Variants in FAT3 observed in about 807,000 individuals in gnomAD.
FAT3 encodes protocadherin Fat 3.
FAT3 carries 95 observed loss-of-function variants against 310.2 expected under a neutral mutation model. That is an observed-to-expected ratio of 0.31 (90% CI 0.26 to 0.36). The LOEUF is 0.36. FAT3 is among the 10% of genes least tolerant of loss of function. The pLI is 1.00. For synonymous variants in FAT3, 2,314 were observed against 2,192.9 expected (o/e 1.06, Z -1.54); for missense variants, 5,408 against 5,715.6 (o/e 0.95, Z 1.74).
chr11:92,728,233 T>C (rs973965064), intron 4 of FAT3, among the ~76,000 whole-genome samples: 1 of 152,220 alleles, frequency 6.6e-6, no homozygotes, highest in African/African-American at 2.4e-5. Flanking sequence ...GAATTTGTTT[T>C]CTGTTTTTTG....
chr11:92,532,567 A>AAAT (rs953538446), intron 3 of FAT3, among the ~76,000 whole-genome samples: 3 of 152,288 alleles, frequency 2.0e-5, no homozygotes, highest in East Asian at 1.9e-4. Context: ...ATTAGAGAAA[A>AAAT]AATAATAATA....
intron 2 of FAT3, among the ~76,000 whole-genome samples, chr11:92,456,347 A>C (rs1401850946): frequency 6.6e-6 from 1 of 152,180 alleles, no homozygotes; most frequent in Non-Finnish European, 1.5e-5. Context: ...TTAGCACATG[A>C]AATAATAAGT....
chr11:92,341,892 C>T (rs913446264), intron 1 of FAT3, among the ~76,000 whole-genome samples: 3 of 152,166 alleles, frequency 2.0e-5, no homozygotes, highest in Non-Finnish European at 4.4e-5. Flanking sequence ...CATATCCCAA[C>T]CTTCATGAAG....
At chr11:92,412,852 C>T (rs1166348038) in intron 2 of FAT3, among the ~76,000 whole-genome samples, 1 of 150,606 alleles carries the variant, frequency 6.6e-6, no homozygotes, top group Non-Finnish European at 1.5e-5. Flanking sequence ...ATATACCCCC[C>T]TACACACACA....
Position 92,893,945 on chromosome 11 carries a change from G to A in FAT3, c.*2832G>A, listed in dbSNP as rs190285306. On this transcript the variant is annotated 3_prime_UTR_variant, in exon 28 of 28. Transcript: ENST00000525166. ...GGAAACATACCCAGAGTGGGAAAGA[G>A]ACTTGCCCAAGCCCACAGAGGAAGT... 9.5e-4 allele frequency: 145 copies of A among 152,336 alleles called. No individual in the cohort carries two copies. Among genetic ancestry groups the A allele is most frequent in the African/African-American group, 3.3e-3 (139 of 41,582 alleles). The allele number at this position is 152,336 out of a possible 1,614,324, so 9.4% of individuals were successfully genotyped here. A position where few individuals can be genotyped will look rare whatever the true frequency, so the allele number is the denominator to read the frequency against.
intron 4 of FAT3, among the ~76,000 whole-genome samples, chr11:92,757,855 A>G (rs140468885): frequency 2.6e-4 from 39 of 152,312 alleles, no homozygotes; most frequent in African/African-American, 9.1e-4. Context: ...AGGAGACTGG[A>G]TGAATGTCCA....
chr11:92,515,690 G>C (rs571655764), intron 2 of FAT3, among the ~76,000 whole-genome samples: 167 of 152,176 alleles, frequency 1.1e-3, no homozygotes, highest in Non-Finnish European at 2.0e-3. Context: ...GATAAATACA[G>C]TAACTGCCTC....
At chr11:92,782,690 A>G (rs1484904727) in intron 7 of FAT3, among the ~76,000 whole-genome samples, 1 of 152,232 alleles carries the variant, frequency 6.6e-6, no homozygotes, top group Non-Finnish European at 1.5e-5. Flanking sequence ...CACAAAGGCA[A>G]TTAATGAAAT....
intron 2 of FAT3, among the ~76,000 whole-genome samples, chr11:92,412,918 A>G (rs963292638): frequency 6.6e-6 from 1 of 151,414 alleles, no homozygotes; most frequent in Non-Finnish European, 1.5e-5. Context: ...TGGTTATTAG[A>G]ACTGACAAAC....
At chr11:92,763,134 G>A (rs1031057271) in intron 5 of FAT3, among the ~76,000 whole-genome samples, 12 of 151,620 alleles carry the variant, frequency 7.9e-5, no homozygotes, top group Non-Finnish European at 1.5e-4. Flanking sequence ...ACTCCAGCCC[G>A]GGTGACAGAG....
intron 3 of FAT3, among the ~76,000 whole-genome samples, chr11:92,644,235 C>T (rs1003735576): frequency 2.0e-5 from 3 of 152,208 alleles, no homozygotes; most frequent in Non-Finnish European, 4.4e-5. Context: ...GTGCCAAGTA[C>T]CCTGCTCAGT....
At chr11:92,593,891 A>G (rs1939570634) in intron 3 of FAT3, among the ~76,000 whole-genome samples, 1 of 152,202 alleles carries the variant, frequency 6.6e-6, no homozygotes. Flanking sequence ...ATAAAGCGTT[A>G]TTTCAGTCAC....
At chr11:92,769,896 G>A (rs191883144) in intron 6 of FAT3, among the ~76,000 whole-genome samples, 6 of 152,290 alleles carry the variant, frequency 3.9e-5, no homozygotes, top group East Asian at 3.9e-4. Context: ...TGGAGCCATC[G>A]CTTATTTAGA....
chr11:92,686,638 C>T (rs906273692), intron 3 of FAT3, among the ~76,000 whole-genome samples: 2 of 152,002 alleles, frequency 1.3e-5, no homozygotes, highest in African/African-American at 2.4e-5. Flanking sequence ...TAAAAAAAAG[C>T]ATTATCAGTC....
intron 12 of FAT3, among the ~76,000 whole-genome samples, chr11:92,809,520 A>G (rs1168298314): frequency 6.6e-6 from 1 of 152,210 alleles, no homozygotes; most frequent in African/African-American, 2.4e-5. Flanking sequence ...ACTGATCTCC[A>G]GAGTAGATCT....
chr11:92,527,739 C>T (rs1380493086), intron 3 of FAT3, among the ~76,000 whole-genome samples: 1 of 152,144 alleles, frequency 6.6e-6, no homozygotes, highest in Non-Finnish European at 1.5e-5. Flanking sequence ...CTTCCTGACT[C>T]TAAAGTCATT....
intron 1 of FAT3, among the ~76,000 whole-genome samples, chr11:92,259,136 G>T (rs1865436849): frequency 6.6e-6 from 1 of 152,042 alleles, no homozygotes; most frequent in African/African-American, 2.4e-5. Flanking sequence ...CTCTGAGCAT[G>T]CTCCTGCATC....
intron 2 of FAT3, among the ~76,000 whole-genome samples, chr11:92,464,801 C>G (rs184810741): frequency 6.6e-6 from 1 of 152,262 alleles, no homozygotes; most frequent in East Asian, 1.9e-4. Context: ...TTAAGTATTT[C>G]TAGCACATTA....
rs1169804017 is a variant in FAT3, at chr11:92,881,008, C to T, written c.12281+124C>T. On this transcript the variant is annotated intron_variant, in intron 23 of 27. Coordinates refer to ENST00000525166, the MANE Select transcript of FAT3 (RefSeq NM_001367949.2). ...TACAGGCAAAGGGTTAACATCTGCA[C>T]GATACGTATAAGGAGTGCTTACAGG... 1.4e-5 allele frequency: 15 copies of T among 1,059,604 alleles called. No individual in the cohort carries two copies. The East Asian group carries it at 2.4e-4, about 17-fold the overall frequency. 65.6% of individuals were successfully genotyped at this position (1,059,604 alleles called of 1,614,324 possible). A position where few individuals can be genotyped will look rare whatever the true frequency, so the allele number is the denominator to read the frequency against.
Sources: allele counts gnomAD v4.1 joint callset (sites outside exome capture counted in the v4.1 genomes callset), GRCh38; gene constraint gnomAD v4.1.1; transcripts MANE v1.5; gene names NCBI Gene and HGNC (gene_info 2026-07-23, HGNC 2026-07-21).